The following TNFRSF10B variants were observed in gnomAD, a reference collection of about 807,000 sequenced individuals.
TNFRSF10B encodes the protein TNF receptor superfamily member 10b.
TNFRSF10B carries 35 observed loss-of-function variants against 41.4 expected under a neutral mutation model. That is an observed-to-expected ratio of 0.85 (90% CI 0.65 to 1.12). The LOEUF is 1.12. Ranked by LOEUF, TNFRSF10B falls within the 50% of genes most tolerant of loss-of-function variation. TNFRSF10B has a pLI of 0.00. For missense variants in TNFRSF10B, 584 were observed against 552.7 expected (o/e 1.06, Z -0.57); for synonymous variants, 230 against 215.5 (o/e 1.07, Z -0.59).
chr8:23,028,840 G>A (rs1563307964), intron 4 of TNFRSF10B, among the ~76,000 whole-genome samples: 1 of 152,186 alleles, frequency 6.6e-6, no homozygotes, highest in East Asian at 1.9e-4. Context: ...AGTTCCAGGA[G>A]CCTTCTGTGC....
intron 1 of TNFRSF10B, among the ~76,000 whole-genome samples, chr8:23,064,793 C>G (rs1026253541): frequency 3.9e-5 from 6 of 152,238 alleles, no homozygotes; most frequent in African/African-American, 1.4e-4. Context: ...AGGATAATCA[C>G]AGTTCCTGCA....
At position 23,020,372 on chromosome 8, in the gene TNFRSF10B, A is replaced by T. The variant is rs557529272; in HGVS notation, c.*2299T>A. On this transcript the variant is annotated 3_prime_UTR_variant, in exon 9 of 9. Coordinates refer to ENST00000276431, the MANE Select transcript of TNFRSF10B (RefSeq NM_003842.5). ...ATGTAACTAAACAACAAAACCCCCA[A>T]TTATTTCATGTCGTCAGGAAGCTTA... 6 of 453,912 alleles carry T rather than the reference A, an allele frequency of 1.3e-5. No individual in the cohort carries two copies. The highest frequency in any genetic ancestry group is 2.6e-5 in the Non-Finnish European group (6 of 226,780). 28.1% of individuals were successfully genotyped at this position (453,912 alleles called of 1,614,324 possible). A position where few individuals can be genotyped will look rare whatever the true frequency, so the allele number is the denominator to read the frequency against.
intron 1 of TNFRSF10B, 30 bp downstream of exon 1, chr8:23,068,721 C>T (rs749097668): frequency 2.6e-6 from 4 of 1,554,792 alleles, no homozygotes; most frequent in South Asian, 2.3e-5. Context: ...GCACGCTCTT[C>T]CCCAGCCAGG....
intron 1 of TNFRSF10B, among the ~76,000 whole-genome samples, chr8:23,056,203 T>C (rs548434526): frequency 7.0e-6 from 1 of 143,868 alleles, no homozygotes; most frequent in East Asian, 2.0e-4. Context: ...ATGTTTATAA[T>C]TTCACTGAAG....
chr8:23,054,064 G>T (rs1812596138), intron 1 of TNFRSF10B, among the ~76,000 whole-genome samples: 1 of 152,164 alleles, frequency 6.6e-6, no homozygotes, highest in Admixed American at 6.6e-5. Context: ...ATAAATAATT[G>T]TTGTCTGTCT....
chr8:23,034,691 ACTC>A (rs1811979715), intron 2 of TNFRSF10B, among the ~76,000 whole-genome samples: 1 of 152,212 alleles, frequency 6.6e-6, no homozygotes, highest in African/African-American at 2.4e-5. Context: ...GTGCCACTGC[ACTC>A]CAGCCTGGGT....
chr8:23,042,161 C>T (rs552959159), intron 2 of TNFRSF10B, among the ~76,000 whole-genome samples: 2 of 152,308 alleles, frequency 1.3e-5, no homozygotes, highest in East Asian at 3.9e-4. Context: ...GACCCTGGAC[C>T]ACAGCAATAG....
chr8:23,030,131 A>G (rs1811837294), intron 3 of TNFRSF10B, among the ~76,000 whole-genome samples: 1 of 152,136 alleles, frequency 6.6e-6, no homozygotes, highest in South Asian at 2.1e-4. Flanking sequence ...AGTGAGGCCG[A>G]GCACCTGCCA....
At chr8:23,042,951 T>C in intron 2 of TNFRSF10B, 187 bp downstream of exon 2, 1 of 579,234 alleles carries the variant, frequency 1.7e-6, no homozygotes, top group South Asian at 2.3e-5. Context: ...TTTCTTTGGC[T>C]GTCTCATTCA....
chr8:23,066,485 G>GA (rs1036642269), intron 1 of TNFRSF10B, among the ~76,000 whole-genome samples: 2 of 151,502 alleles, frequency 1.3e-5, no homozygotes, highest in African/African-American at 2.4e-5. Flanking sequence ...AATGATGGGG[G>GA]AAAAAAAAGA....
chr8:23,029,996 C>T (rs1811833709), intron 3 of TNFRSF10B, among the ~76,000 whole-genome samples: 1 of 152,196 alleles, frequency 6.6e-6, no homozygotes, highest in Non-Finnish European at 1.5e-5. Flanking sequence ...GTTTAGATTG[C>T]ATGGCCAGTA....
intron 2 of TNFRSF10B, among the ~76,000 whole-genome samples, chr8:23,033,304 G>A (rs1331495805): frequency 2.6e-5 from 4 of 152,158 alleles, no homozygotes; most frequent in Non-Finnish European, 4.4e-5. Flanking sequence ...AACACTGGAG[G>A]CCGGGTGCGG....
intron 1 of TNFRSF10B, among the ~76,000 whole-genome samples, chr8:23,059,703 G>A (rs562203896): frequency 1.4e-4 from 21 of 152,106 alleles, no homozygotes; most frequent in African/African-American, 4.8e-4. Context: ...TAGTGGAGAC[G>A]GGGTCTCACC....
Position 23,042,287 on chromosome 8 carries a change from T to C in TNFRSF10B, c.250+851A>G, listed in dbSNP as rs533331963. ...GGTTTGCCCTCAGGCAAGCCTTTCC[T>C]GTGGCCCTTAGTCATGGAAAAGAAA... On this transcript the variant is annotated intron_variant, in intron 2 of 8. Transcript: ENST00000276431. Among the ~76,000 whole-genome samples, 29 of 152,366 alleles carry C rather than the reference T, an allele frequency of 1.9e-4. No individual in the cohort carries two copies. The South Asian group carries it at 3.9e-3, about 21-fold the overall frequency.
chr8:23,023,234 C>T (rs1585204290), intron 8 of TNFRSF10B, among the ~76,000 whole-genome samples: 1 of 152,178 alleles, frequency 6.6e-6, no homozygotes. Context: ...GCTGAGAACC[C>T]ACCAGGGGAG....
intron 1 of TNFRSF10B, among the ~76,000 whole-genome samples, chr8:23,047,054 T>C (rs1462965703): frequency 6.6e-6 from 1 of 152,168 alleles, no homozygotes; most frequent in Non-Finnish European, 1.5e-5. Context: ...GGGCAACATT[T>C]TTTAAAATTT....
chr8:23,023,346 TG>T (rs1226172351), intron 8 of TNFRSF10B, among the ~76,000 whole-genome samples: 1 of 152,166 alleles, frequency 6.6e-6, no homozygotes, highest in Non-Finnish European at 1.5e-5. Flanking sequence ...GGAGGCTGCC[TG>T]GGCTGCGCTT....
At chr8:23,035,914 C>G (rs1812018537) in intron 2 of TNFRSF10B, among the ~76,000 whole-genome samples, 1 of 152,156 alleles carries the variant, frequency 6.6e-6, no homozygotes, top group Non-Finnish European at 1.5e-5. Flanking sequence ...TGCAACAGGT[C>G]CAGGCTGCCG....
chr8:23,031,046 C>A (rs1029895864), intron 2 of TNFRSF10B, among the ~76,000 whole-genome samples, 174 bp from the exon 3 acceptor site: 2 of 152,122 alleles, frequency 1.3e-5, no homozygotes, highest in African/African-American at 4.8e-5. Context: ...ACCAGCACTG[C>A]CAAAAGAAAT....
Sources: allele counts gnomAD v4.1 joint callset (sites outside exome capture counted in the v4.1 genomes callset), GRCh38; gene constraint gnomAD v4.1.1; transcripts MANE v1.5; gene names NCBI Gene and HGNC (gene_info 2026-07-23, HGNC 2026-07-21).